Variants in PIGN observed in about 807,000 individuals in gnomAD.
PIGN encodes the protein GPI ethanolamine phosphate transferase 1.
Under a neutral mutation model 125.4 loss-of-function variants are expected in PIGN, and 117 were observed. The ratio of observed to expected loss-of-function variants is 0.93; its 90% CI spans 0.80 to 1.09. The LOEUF (loss-of-function observed/expected upper bound fraction) is 1.09, where lower values mean the gene tolerates loss of function less well. Ranked by LOEUF, PIGN falls within the 50% of genes least tolerant of loss-of-function variation. The pLI, the probability that PIGN is intolerant of heterozygous loss-of-function variation, is 0.00. For missense variants in PIGN, 1,075 were observed against 1,094.9 expected (o/e 0.98, Z 0.26); for synonymous variants, 392 against 377.8 (o/e 1.04, Z -0.44).
At chr18:62,164,344 C>T (rs756807316) in intron 1 of PIGN, among the ~76,000 whole-genome samples, 1 of 152,112 alleles carries the variant, frequency 6.6e-6, no homozygotes, top group African/African-American at 2.4e-5. Flanking sequence ...CACATTGCTA[C>T]GAAGAACCAT....
intron 30 of PIGN, among the ~76,000 whole-genome samples, chr18:62,048,787 G>A (rs1302372915): frequency 1.3e-5 from 2 of 149,902 alleles, no homozygotes; most frequent in African/African-American, 2.5e-5. Flanking sequence ...GTGCCATGCT[G>A]GTGTGCTGCA....
intron 7 of PIGN, among the ~76,000 whole-genome samples, chr18:62,151,080 C>T (rs1253928452): frequency 6.6e-6 from 1 of 152,156 alleles, no homozygotes; most frequent in Non-Finnish European, 1.5e-5. Flanking sequence ...ACAACATGAA[C>T]ATACTTAACA....
intron 25 of PIGN, chr18:62,088,422 G>A (rs1441054992): frequency 1.8e-5 from 3 of 166,016 alleles, no homozygotes; most frequent in Non-Finnish European, 3.8e-5. Flanking sequence ...TCCAGGATGT[G>A]AGAAATTCGA....
chr18:62,138,358 A>G (rs1300371578), intron 13 of PIGN, 60 bp from the exon 14 acceptor site: 2 of 1,498,550 alleles, frequency 1.3e-6, no homozygotes, highest in Admixed American at 2.4e-5. Flanking sequence ...ATTTTGAAAT[A>G]TAAACATCCA....
intron 30 of PIGN, among the ~76,000 whole-genome samples, chr18:62,062,276 G>A (rs987293704): frequency 1.3e-5 from 2 of 152,140 alleles, no homozygotes; most frequent in Non-Finnish European, 2.9e-5. Context: ...GACAGAGCAA[G>A]GAGATATTTC....
intron 14 of PIGN, chr18:62,123,364 G>T (rs1477121947): frequency 7.0e-6 from 1 of 142,486 alleles, no homozygotes; most frequent in African/African-American, 2.5e-5. Context: ...GATGGAAAAT[G>T]AGGATAATAA....
intron 30 of PIGN, 108 bp from the exon 31 acceptor site, chr18:62,046,087 G>GAA: frequency 8.8e-7 from 1 of 1,134,778 alleles, no homozygotes; most frequent in Non-Finnish European, 1.3e-6. Flanking sequence ...CCACTTTCAG[G>GAA]AGCTGGAGTG....
intron 23 of PIGN, among the ~76,000 whole-genome samples, chr18:62,028,090 T>C (rs2030147797): frequency 6.6e-6 from 1 of 152,190 alleles, no homozygotes; most frequent in Non-Finnish European, 1.5e-5. Context: ...CCACAATACA[T>C]GGAATACCCT....
intron 23 of PIGN, among the ~76,000 whole-genome samples, chr18:62,020,687 T>C (rs1031217935): frequency 1.3e-5 from 2 of 151,648 alleles, no homozygotes; most frequent in African/African-American, 2.4e-5. Flanking sequence ...CGGTGGCTCA[T>C]GCCTGTAATC....
At chr18:62,185,276 A>G (rs2037856168) in intron 1 of PIGN, among the ~76,000 whole-genome samples, 1 of 152,214 alleles carries the variant, frequency 6.6e-6, no homozygotes, top group African/African-American at 2.4e-5. Context: ...AACAGGATAC[A>G]GTATTTGCCA....
chr18:62,142,917 T>C (rs1304583156), intron 11 of PIGN, among the ~76,000 whole-genome samples: 1 of 152,188 alleles, frequency 6.6e-6, no homozygotes, highest in Non-Finnish European at 1.5e-5. Flanking sequence ...AGGTAAAATA[T>C]GTGTTAACAA....
At chr18:62,160,313 A>C (rs1319060173) in intron 4 of PIGN, among the ~76,000 whole-genome samples, 1 of 152,220 alleles carries the variant, frequency 6.6e-6, no homozygotes, top group Non-Finnish European at 1.5e-5. Context: ...TTGTAAGTCC[A>C]AGAAATTAAA....
intron 20 of PIGN, 27 bp downstream of exon 20, chr18:62,105,516 T>C (rs2034601711): frequency 1.3e-5 from 17 of 1,288,270 alleles, no homozygotes; most frequent in Non-Finnish European, 1.9e-5. Flanking sequence ...GTATTGAAAA[T>C]AGAATAAAAT....
chr18:62,139,123 G>A (rs760286437), intron 12 of PIGN, 48 bp from the exon 13 acceptor site: 3 of 1,154,040 alleles, frequency 2.6e-6, no homozygotes, highest in South Asian at 1.3e-5. Flanking sequence ...GACAGCTCAG[G>A]CTATCCTTAT....
At chr18:62,111,700 C>T (rs1355551538) in intron 16 of PIGN, among the ~76,000 whole-genome samples, 2 of 152,164 alleles carry the variant, frequency 1.3e-5, no homozygotes, top group African/African-American at 4.8e-5. Flanking sequence ...CACAGGCCAC[C>T]TGTGGTCCAG....
At chr18:62,102,761 A>T in intron 21 of PIGN, 33 bp downstream of exon 21, 1 of 920,396 alleles carries the variant, frequency 1.1e-6, no homozygotes, top group Non-Finnish European at 1.7e-6. Flanking sequence ...GTATATCATT[A>T]GTATAACATA....
chr18:62,113,068 A>G, intron 16 of PIGN, 66 bp downstream of exon 16: 2 of 1,223,224 alleles, frequency 1.6e-6, no homozygotes, highest in Non-Finnish European at 2.3e-6. Context: ...CTATAAACTC[A>G]TTACACTGGA....
At chr18:62,090,936 C>A (rs1159676695) in intron 23 of PIGN, among the ~76,000 whole-genome samples, 1 of 152,046 alleles carries the variant, frequency 6.6e-6, no homozygotes, top group Non-Finnish European at 1.5e-5. Context: ...GGAAAAGGAA[C>A]ACTCTAAATT....
chr18:62,115,427 A>G (rs1415584428), intron 14 of PIGN, among the ~76,000 whole-genome samples: 1 of 152,234 alleles, frequency 6.6e-6, no homozygotes, highest in African/African-American at 2.4e-5. Context: ...CTACATGTCT[A>G]AAATGAATGG....
Sources: gnomAD v4.1 joint callset for allele counts (sites outside exome capture counted in the v4.1 genomes callset) on GRCh38, gnomAD v4.1.1 for gene constraint, MANE v1.5 for transcripts, NCBI Gene and HGNC (gene_info 2026-07-23, HGNC 2026-07-21) for gene names.